The following SIPA1L1 variants were observed in gnomAD, a reference collection of about 807,000 sequenced individuals.
SIPA1L1 encodes the protein signal-induced proliferation-associated 1-like protein 1.
SIPA1L1 carries 26 observed loss-of-function variants against 162.7 expected under a neutral mutation model. The ratio of observed to expected loss-of-function variants is 0.16; its 90% CI spans 0.12 to 0.22. The LOEUF (loss-of-function observed/expected upper bound fraction) is 0.22, where lower values mean the gene tolerates loss of function less well. SIPA1L1 is among the 10% of genes least tolerant of loss of function. SIPA1L1 has a pLI of 1.00. For missense variants in SIPA1L1, 1,874 were observed against 2,241.0 expected, an observed-to-expected ratio of 0.84 and a Z score of 3.31; for synonymous variants, 829 against 837.4, an observed-to-expected ratio of 0.99 and a Z score of 0.17.
chr14:71,396,312 G>A (rs1226658370), intron 2 of SIPA1L1, among the ~76,000 whole-genome samples: 1 of 152,174 alleles, frequency 6.6e-6, no homozygotes, highest in Non-Finnish European at 1.5e-5. Context: ...TGAGTGTGGG[G>A]AAGAGGGGAG....
chr14:71,391,157 A>T (rs889512862), intron 2 of SIPA1L1, among the ~76,000 whole-genome samples: 5 of 125,442 alleles, frequency 4.0e-5, no homozygotes, highest in Non-Finnish European at 7.9e-5. Context: ...CCCAGGCTGG[A>T]GTGCAGTGGC....
intron 2 of SIPA1L1, among the ~76,000 whole-genome samples, chr14:71,509,819 C>T (rs1267557671): frequency 1.3e-5 from 2 of 151,638 alleles, no homozygotes; most frequent in Admixed American, 1.3e-4. Context: ...GATTTGTTAA[C>T]ATCAGGTTAT....
chr14:71,535,734 C>T (rs2053839557), intron 4 of SIPA1L1, among the ~76,000 whole-genome samples: 1 of 152,048 alleles, frequency 6.6e-6, no homozygotes, highest in African/African-American at 2.4e-5. Flanking sequence ...GCCTCAGCCT[C>T]CCGAGTAGCT....
intron 2 of SIPA1L1, among the ~76,000 whole-genome samples, chr14:71,357,304 C>A (rs1341816687): frequency 6.6e-6 from 1 of 152,058 alleles, no homozygotes; most frequent in Non-Finnish European, 1.5e-5. Flanking sequence ...TAAGGAACTT[C>A]GAAATCACAT....
chr14:71,417,168 A>G (rs1225186527), intron 2 of SIPA1L1, among the ~76,000 whole-genome samples: 1 of 152,138 alleles, frequency 6.6e-6, no homozygotes, highest in Non-Finnish European at 1.5e-5. Flanking sequence ...TATGTATTAT[A>G]TACTGTGTTG....
At chr14:71,547,768 G>T (rs571319152) in intron 4 of SIPA1L1, among the ~76,000 whole-genome samples, 1 of 152,242 alleles carries the variant, frequency 6.6e-6, no homozygotes, top group South Asian at 2.1e-4. Flanking sequence ...AATAACAGAT[G>T]CTCGTGAGCT....
intron 22 of SIPA1L1, among the ~76,000 whole-genome samples, chr14:71,737,579 C>T (rs2085415733): frequency 1.3e-5 from 2 of 152,186 alleles, no homozygotes; most frequent in South Asian, 2.1e-4. Flanking sequence ...CCAGCTCACA[C>T]TTCTTTCGGT....
chr14:71,578,647 TAAG>T (rs1026843883), intron 4 of SIPA1L1, among the ~76,000 whole-genome samples: 12 of 152,216 alleles, frequency 7.9e-5, no homozygotes, highest in African/African-American at 2.7e-4. Flanking sequence ...AAAATGTTAT[TAAG>T]AAAATCATCA....
chr14:71,495,513 G>T lies in SIPA1L1; in HGVS notation c.-464-17230G>T, dbSNP rs570604838. ...TCCTGATTTTGGTAATTTTGGGGGG[G>T]ATAATTTTCTTTTTTTCTTGGTCAA... On this transcript the variant is annotated intron_variant, in intron 2 of 23. Coordinates refer to ENST00000381232, the MANE Select transcript of SIPA1L1 (RefSeq NM_001386936.1). 2.0e-5 allele frequency among the ~76,000 whole-genome samples: 3 copies of T among 151,614 alleles called. No individual in the cohort carries two copies. In the South Asian group the frequency reaches 6.2e-4, roughly 32 times the overall value.
intron 4 of SIPA1L1, chr14:71,576,517 C>T (rs1468742847): frequency 1.3e-5 from 2 of 152,214 alleles, no homozygotes; most frequent in Non-Finnish European, 2.9e-5. Flanking sequence ...GGACTTGACA[C>T]TTGCTATTTA....
chr14:71,691,696 A>G (rs117419134), intron 13 of SIPA1L1, among the ~76,000 whole-genome samples: 211 of 151,988 alleles, frequency 1.4e-3, no homozygotes, highest in Non-Finnish European at 2.5e-3. Flanking sequence ...TGCAAGCACT[A>G]TGTTCCCCTT....
intron 10 of SIPA1L1, among the ~76,000 whole-genome samples, chr14:71,667,623 GA>G (rs1489067743): frequency 3.3e-5 from 5 of 152,186 alleles, no homozygotes; most frequent in Non-Finnish European, 7.4e-5. Context: ...CCAAGAAGAG[GA>G]AACTTCCTTC....
At chr14:71,604,826 T>C (rs2037296839) in intron 5 of SIPA1L1, among the ~76,000 whole-genome samples, 1 of 152,196 alleles carries the variant, frequency 6.6e-6, no homozygotes, top group South Asian at 2.1e-4. Flanking sequence ...TTTTTGTCTT[T>C]GGCTTTTGAT....
chr14:71,382,338 G>A (rs2039972224), intron 2 of SIPA1L1, among the ~76,000 whole-genome samples: 1 of 152,154 alleles, frequency 6.6e-6, no homozygotes, highest in South Asian at 2.1e-4. Flanking sequence ...TTCTTTACTT[G>A]GGTGGTAGAA....
At chr14:71,332,841 G>A (rs995230336) in intron 2 of SIPA1L1, among the ~76,000 whole-genome samples, 2 of 152,130 alleles carry the variant, frequency 1.3e-5, no homozygotes, top group African/African-American at 4.8e-5. Flanking sequence ...GTTGAATTCA[G>A]TTTTCTTTAA....
At chr14:71,719,196 C>T (rs1036286053) in intron 17 of SIPA1L1, among the ~76,000 whole-genome samples, 11 of 151,880 alleles carry the variant, frequency 7.2e-5, no homozygotes, top group Non-Finnish European at 1.6e-4. Context: ...GTCTCAGCCT[C>T]CCAAAATGCT....
At chr14:71,364,920 A>G (rs910181979) in intron 2 of SIPA1L1, among the ~76,000 whole-genome samples, 20 of 151,548 alleles carry the variant, frequency 1.3e-4, no homozygotes, top group African/African-American at 4.9e-4. Context: ...TAATTTTTGT[A>G]TTTTTAGTAG....
chr14:71,690,453 G>A (rs1056513788), intron 13 of SIPA1L1, among the ~76,000 whole-genome samples: 9 of 152,012 alleles, frequency 5.9e-5, no homozygotes, highest in African/African-American at 1.9e-4. Context: ...TCACTCTGTT[G>A]CCCAGACTAG....
At chr14:71,427,378 G>A (rs2043647241) in intron 2 of SIPA1L1, among the ~76,000 whole-genome samples, 1 of 152,158 alleles carries the variant, frequency 6.6e-6, no homozygotes, top group South Asian at 2.1e-4. Flanking sequence ...GGCCTCCAAA[G>A]TTTCTGATGA....
Sources: gnomAD v4.1 joint callset for allele counts (sites outside exome capture counted in the v4.1 genomes callset) on GRCh38, gnomAD v4.1.1 for gene constraint, MANE v1.5 for transcripts, NCBI Gene and HGNC (gene_info 2026-07-23, HGNC 2026-07-21) for gene names.